The following CNOT6L variants were observed in gnomAD, a reference collection of about 807,000 sequenced individuals.
CNOT6L encodes CCR4-NOT transcription complex subunit 6 like.
In CNOT6L, 7 loss-of-function variants were observed where a neutral mutation model predicts 64.0. The observed-to-expected ratio is 0.11, with a 90% CI of 0.06 to 0.21. The LOEUF (loss-of-function observed/expected upper bound fraction) is 0.21. Among genes scored for constraint, CNOT6L ranks in the 10% least tolerant of loss-of-function variants. The pLI is 1.00. For synonymous variants in CNOT6L, 193 were observed against 243.4 expected, an observed-to-expected ratio of 0.79 and a Z score of 1.93; for missense variants, 245 against 669.0, an observed-to-expected ratio of 0.37 and a Z score of 6.99.
At chr4:77,817,598 G>A (rs935111571) in intron 1 of CNOT6L, among the ~76,000 whole-genome samples, 2 of 152,174 alleles carry the variant, frequency 1.3e-5, no homozygotes, top group African/African-American at 4.8e-5. Flanking sequence ...TGTTACCTAA[G>A]GTCAAACAGC....
intron 1 of CNOT6L, among the ~76,000 whole-genome samples, chr4:77,790,180 G>A (rs1279205458): frequency 6.6e-6 from 1 of 151,898 alleles, no homozygotes; most frequent in Non-Finnish European, 1.5e-5. Context: ...TTCAGATTGG[G>A]TTCTTTCATT....
chr4:77,767,114 TAA>T (rs11392956), intron 4 of CNOT6L, among the ~76,000 whole-genome samples: 6 of 122,004 alleles, frequency 4.9e-5, no homozygotes, highest in Non-Finnish European at 6.5e-5. Context: ...TGGTTTACAA[TAA>T]AAAAAAAAAA....
chr4:77,819,073 C>CACACACACACACACACACACACAA, intron 1 of CNOT6L: 1 of 739,834 alleles, frequency 1.4e-6, no homozygotes, highest in Non-Finnish European at 2.3e-6. Context: ...CACACACACA[C>CACACACACACACACACACACACAA]ACCCCGGAAC....
chr4:77,743,846 C>T (rs1293271258), intron 7 of CNOT6L, among the ~76,000 whole-genome samples: 1 of 152,054 alleles, frequency 6.6e-6, no homozygotes, highest in African/African-American at 2.4e-5. Flanking sequence ...AAGGGATCCA[C>T]CCGCCTCGGC....
intron 4 of CNOT6L, among the ~76,000 whole-genome samples, chr4:77,767,616 T>C (rs546367764): frequency 6.6e-6 from 1 of 152,252 alleles, no homozygotes; most frequent in African/African-American, 2.4e-5. Context: ...TTGAGACAAC[T>C]GGTTACTCAT....
rs1159915557 is a variant in CNOT6L at position 77,814,148 on chromosome 4, T to C, written c.5+5156A>G. 4.6e-5 allele frequency among the ~76,000 whole-genome samples: 7 copies of C among 152,186 alleles called. 1 individual carries two copies. In the South Asian group the frequency reaches 1.4e-3, roughly 31 times the overall value. Reference sequence around the variant, plus strand: ...TAAACGACCATATATTAAGATTGCATTTGTACAAAATGTCCAAAATTGGCC... The same window carrying C: ...TAAACGACCATATATTAAGATTGCACTTGTACAAAATGTCCAAAATTGGCC... On this transcript the variant is annotated intron_variant, in intron 1 of 11. Coordinates refer to ENST00000504123, the MANE Select transcript of CNOT6L (RefSeq NM_144571.3).
upstream of CNOT6L, chr4:77,819,434 G>C: frequency 1.3e-6 from 2 of 1,580,554 alleles, no homozygotes. Flanking sequence ...CGCGGCCGCA[G>C]ACGCAGACGC....
In CNOT6L at chr4:77,719,022, C is replaced by G. The variant is rs1406291868; in HGVS notation, c.*1409G>C. The G allele has an allele frequency of 6.6e-6, 1 of 152,428 alleles. No individual in the cohort carries two copies. Among genetic ancestry groups the G allele is most frequent in the African/African-American group, 2.4e-5 (1 of 41,412 alleles). 9.4% of individuals were successfully genotyped at this position (152,428 alleles called of 1,614,324 possible). On this transcript the variant is annotated 3_prime_UTR_variant, in exon 12 of 12. Coordinates refer to ENST00000504123, the MANE Select transcript of CNOT6L (RefSeq NM_144571.3). ...CATGAAAAGTTTAAAATATAAATTT[C>G]AGAAAACTCTTATAGCAGCAAAAAA... is the stretch of plus-strand genomic sequence containing the variant.
chr4:77,792,636 G>A (rs112340135), intron 1 of CNOT6L, among the ~76,000 whole-genome samples: 7,968 of 149,210 alleles, frequency 0.053, 269 homozygotes, highest in African/African-American at 0.094. Flanking sequence ...TGAGACAGGA[G>A]AATCGCTTGA....
intron 1 of CNOT6L, among the ~76,000 whole-genome samples, chr4:77,785,556 A>G (rs959047092): frequency 6.6e-6 from 1 of 152,212 alleles, no homozygotes; most frequent in African/African-American, 2.4e-5. Context: ...AGAACTCTCA[A>G]AACAAAATAA....
In CNOT6L at chr4:77,720,574, G is replaced by T; in HGVS notation, c.1525C>A (p.Pro509Thr). ...NVLGVLGPLD[P>T]QWLVENNITG... ...ATGTTGTTCTCAACCAGCCATTGAGGATCTAAAGGCCCCAGGACACCAAGC... is the reference window on the plus strand; with the variant it reads ...ATGTTGTTCTCAACCAGCCATTGAGTATCTAAAGGCCCCAGGACACCAAGC... Residue 509 changes from proline (P) to threonine (T), a missense_variant, in exon 12 of 12, where the codon CCT (proline) becomes ACT (threonine). Transcript: ENST00000504123. 1 of 1,613,408 alleles carries T rather than the reference G, an allele frequency of 6.2e-7. No homozygotes were observed. Among genetic ancestry groups the T allele is most frequent in the Non-Finnish European group, 8.5e-7 (1 of 1,179,476 alleles).
intron 1 of CNOT6L, among the ~76,000 whole-genome samples, chr4:77,792,113 G>A (rs1467070241): frequency 6.6e-6 from 1 of 152,088 alleles, no homozygotes; most frequent in Non-Finnish European, 1.5e-5. Flanking sequence ...CCTGTCTTGA[G>A]ATACAAAATA....
intron 8 of CNOT6L, among the ~76,000 whole-genome samples, chr4:77,733,737 C>G (rs750536768): frequency 2.3e-4 from 35 of 152,006 alleles, no homozygotes; most frequent in Non-Finnish European, 1.2e-4. Flanking sequence ...CTGTATTCTT[C>G]TCCCATTTTT....
intron 4 of CNOT6L, among the ~76,000 whole-genome samples, chr4:77,763,721 C>T (rs1465485880): frequency 6.6e-6 from 1 of 152,166 alleles, no homozygotes; most frequent in Non-Finnish European, 1.5e-5. Flanking sequence ...ACAGGTTGAA[C>T]ATTTACAAAA....
chr4:77,759,870 A>C (rs561645470), intron 4 of CNOT6L, among the ~76,000 whole-genome samples: 2 of 152,322 alleles, frequency 1.3e-5, no homozygotes, highest in East Asian at 3.9e-4. Flanking sequence ...GTGCACATGA[A>C]CATTCACCAG....
At chr4:77,819,416 T>G, upstream of CNOT6L, 1 of 1,593,628 alleles carries the variant, frequency 6.3e-7, no homozygotes, top group South Asian at 1.1e-5. Context: ...ATGCTTCCCC[T>G]CCAGAGCCGC....
rs1003560256 is a variant in CNOT6L at position 77,809,830 on chromosome 4, G to A, written c.5+9474C>T. ...AGTTTAAACTTTAAGATTAGAGAGG[G>A]AGGTTCTCTCTGCAAAAGATGAATA... is the stretch of plus-strand genomic sequence containing the variant. On this transcript the variant is annotated intron_variant, in intron 1 of 11. Transcript: ENST00000504123. 5.3e-5 allele frequency among the ~76,000 whole-genome samples: 8 copies of A among 152,030 alleles called. No individual in the cohort carries two copies. In the South Asian group the frequency reaches 1.7e-3, roughly 31 times the overall value.
chr4:77,797,233 T>TA (rs111896263), intron 1 of CNOT6L, among the ~76,000 whole-genome samples: 2,716 of 142,520 alleles, frequency 0.019, 34 homozygotes, highest in Non-Finnish European at 0.027. Context: ...TCATACTATA[T>TA]AAAAAAAAAA....
At chr4:77,797,987 T>G (rs918712423) in intron 1 of CNOT6L, among the ~76,000 whole-genome samples, 1 of 152,106 alleles carries the variant, frequency 6.6e-6, no homozygotes, top group African/African-American at 2.4e-5. Context: ...AAACAAAAAA[T>G]TGATAAATTA....
Sources: gnomAD v4.1 joint callset for allele counts (sites outside exome capture counted in the v4.1 genomes callset) on GRCh38, gnomAD v4.1.1 for gene constraint, MANE v1.5 for transcripts, NCBI Gene and HGNC (gene_info 2026-07-23, HGNC 2026-07-21) for gene names.